Variants in TNR observed in about 807,000 individuals in gnomAD.
The protein encoded by TNR is tenascin-R.
A neutral mutation model predicts 150.4 loss-of-function variants in TNR; 45 were observed. The observed-to-expected ratio is 0.30, with a 90% CI of 0.24 to 0.38. The LOEUF is 0.38. TNR is among the 10% of genes least tolerant of loss of function. TNR has a pLI of 1.00. For synonymous variants in TNR, 687 were observed against 678.4 expected (o/e 1.01, Z -0.20); for missense variants, 1,544 against 1,759.1 (o/e 0.88, Z 2.19).
chr1:175,679,199 C>T (rs149985634), intron 1 of TNR, among the ~76,000 whole-genome samples: 7 of 152,346 alleles, frequency 4.6e-5, no homozygotes, highest in East Asian at 1.9e-4. Context: ...ATGGCCCTAG[C>T]GGGTGCTTCG....
At chr1:175,577,805 C>T (rs1662183136) in intron 1 of TNR, among the ~76,000 whole-genome samples, 1 of 152,136 alleles carries the variant, frequency 6.6e-6, no homozygotes, top group South Asian at 2.1e-4. Context: ...AATCTACTGC[C>T]CCAAATGCTA....
intron 1 of TNR, among the ~76,000 whole-genome samples, chr1:175,581,912 G>A (rs1374544184): frequency 6.6e-6 from 1 of 152,100 alleles, no homozygotes; most frequent in Non-Finnish European, 1.5e-5. Context: ...ACATGTTTGG[G>A]ATGTGAGAAG....
intron 2 of TNR, among the ~76,000 whole-genome samples, chr1:175,433,492 G>A (rs1361834717): frequency 6.6e-6 from 1 of 152,152 alleles, no homozygotes; most frequent in African/African-American, 2.4e-5. Context: ...GGAGTTAGGG[G>A]ATGTCACAGC....
intron 20 of TNR, among the ~76,000 whole-genome samples, chr1:175,331,061 CTT>C (rs1390772258): frequency 2.6e-4 from 33 of 126,726 alleles, no homozygotes; most frequent in African/African-American, 6.8e-4. Flanking sequence ...TTCTTTCTTT[CTT>C]TCTTTCTTTC....
intron 1 of TNR, among the ~76,000 whole-genome samples, chr1:175,717,082 T>C (rs1235002448): frequency 6.6e-6 from 1 of 152,222 alleles, no homozygotes; most frequent in East Asian, 1.9e-4. Flanking sequence ...TGCCATATCC[T>C]CTTTATCTAA....
At chr1:175,740,066 A>G (rs1173504362) in intron 1 of TNR, among the ~76,000 whole-genome samples, 2 of 152,190 alleles carry the variant, frequency 1.3e-5, no homozygotes, top group African/African-American at 4.8e-5. Flanking sequence ...ACTTTCTAAC[A>G]CCATGACCTC....
At chr1:175,521,737 C>A (rs1571556306) in intron 2 of TNR, among the ~76,000 whole-genome samples, 1 of 152,120 alleles carries the variant, frequency 6.6e-6, no homozygotes, top group Non-Finnish European at 1.5e-5. Context: ...ATTTTCAAGG[C>A]CCAGCTCAAT....
At chr1:175,497,973 T>A (rs1483783883) in intron 2 of TNR, among the ~76,000 whole-genome samples, 3 of 151,952 alleles carry the variant, frequency 2.0e-5, no homozygotes, top group Admixed American at 2.0e-4. Context: ...GGCAGGAGGA[T>A]CGCTTGAACT....
intron 2 of TNR, among the ~76,000 whole-genome samples, chr1:175,509,113 C>G (rs1161152878): frequency 6.6e-6 from 1 of 152,170 alleles, no homozygotes; most frequent in Non-Finnish European, 1.5e-5. Context: ...TGTTTCCTAG[C>G]AGGAAACCAG....
intron 9 of TNR, among the ~76,000 whole-genome samples, chr1:175,372,865 G>A (rs977391429): frequency 1.3e-5 from 2 of 152,206 alleles, no homozygotes; most frequent in African/African-American, 4.8e-5. Flanking sequence ...GGTTAGGGGT[G>A]TGATTGGCCC....
intron 18 of TNR, among the ~76,000 whole-genome samples, chr1:175,352,749 C>T (rs1651114949): frequency 6.6e-6 from 1 of 152,164 alleles, no homozygotes; most frequent in Non-Finnish European, 1.5e-5. Context: ...TTAATGTGCT[C>T]ATTTAAGATA....
chr1:175,605,528 T>C (rs1358595739), intron 1 of TNR, among the ~76,000 whole-genome samples: 1 of 152,184 alleles, frequency 6.6e-6, no homozygotes, highest in Admixed American at 6.5e-5. Context: ...GAACATAGCA[T>C]TGTGGCCAGT....
intron 2 of TNR, among the ~76,000 whole-genome samples, chr1:175,495,250 G>A (rs930030923): frequency 1.3e-5 from 2 of 152,156 alleles, no homozygotes; most frequent in African/African-American, 2.4e-5. Flanking sequence ...AAAGAGCTAC[G>A]GGAACCCAGA....
intron 15 of TNR, 48 bp downstream of exon 15, chr1:175,359,564 A>T (rs775160292): frequency 6.8e-5 from 109 of 1,612,048 alleles, no homozygotes; most frequent in Non-Finnish European, 9.2e-5. Flanking sequence ...TGCAGCTCCA[A>T]TTCCCACCAT....
intron 1 of TNR, among the ~76,000 whole-genome samples, chr1:175,605,498 G>T (rs1663378146): frequency 6.6e-6 from 1 of 152,186 alleles, no homozygotes; most frequent in African/African-American, 2.4e-5. Context: ...GAACAAAAAA[G>T]ACAGTGACCT....
At chr1:175,654,620 A>G (rs1665113514) in intron 1 of TNR, among the ~76,000 whole-genome samples, 1 of 151,648 alleles carries the variant, frequency 6.6e-6, no homozygotes, top group African/African-American at 2.4e-5. Flanking sequence ...TCGCTTCTTG[A>G]AATGCATCCT....
At chr1:175,504,006 G>A (rs1051427429) in intron 2 of TNR, among the ~76,000 whole-genome samples, 3 of 152,162 alleles carry the variant, frequency 2.0e-5, no homozygotes, top group Admixed American at 6.5e-5. Context: ...GCCTCATGGC[G>A]GATGCTGCAA....
At chr1:175,455,654 G>A (rs1656540918) in intron 2 of TNR, among the ~76,000 whole-genome samples, 1 of 152,202 alleles carries the variant, frequency 6.6e-6, no homozygotes. Context: ...ATGACATCCT[G>A]AAAAGCCAGA....
At chr1:175,558,800 C>T (rs1661296947) in intron 1 of TNR, among the ~76,000 whole-genome samples, 1 of 152,070 alleles carries the variant, frequency 6.6e-6, no homozygotes, top group South Asian at 2.1e-4. Flanking sequence ...GTAAGCAGAG[C>T]AGCGAGAAAT....
Sources: gnomAD v4.1 joint callset for allele counts (sites outside exome capture counted in the v4.1 genomes callset) on GRCh38, gnomAD v4.1.1 for gene constraint, MANE v1.5 for transcripts, NCBI Gene and HGNC (gene_info 2026-07-23, HGNC 2026-07-21) for gene names.